Variants in TNRC6C observed in about 807,000 individuals in gnomAD.
TNRC6C encodes trinucleotide repeat containing adaptor 6C, also known as trinucleotide repeat-containing gene 6C protein.
In TNRC6C, 20 loss-of-function variants were observed where a neutral mutation model predicts 153.7. The ratio of observed to expected loss-of-function variants is 0.13; its 90% CI spans 0.09 to 0.19. TNRC6C has a LOEUF of 0.19. TNRC6C is among the 10% of genes least tolerant of loss of function. TNRC6C has a pLI of 1.00. For missense variants in TNRC6C, 1,987 were observed against 2,172.0 expected, an observed-to-expected ratio of 0.91 and a Z score of 1.69; for synonymous variants, 811 against 841.4, an observed-to-expected ratio of 0.96 and a Z score of 0.63.
At chr17:78,048,365 A>G (rs996131201) in intron 2 of TNRC6C, among the ~76,000 whole-genome samples, 25 of 152,108 alleles carry the variant, frequency 1.6e-4, no homozygotes, top group African/African-American at 5.6e-4. Flanking sequence ...CTGCAATGCA[A>G]TTTACAATTT....
At chr17:78,015,145 C>G (rs756216336) in intron 1 of TNRC6C, among the ~76,000 whole-genome samples, 6 of 152,094 alleles carry the variant, frequency 3.9e-5, no homozygotes, top group African/African-American at 4.8e-5. Flanking sequence ...ACTAGAATTA[C>G]TGCTTGATTT....
chr17:77,974,874 A>C (rs2070975118), intron 1 of TNRC6C, among the ~76,000 whole-genome samples: 2 of 152,374 alleles, frequency 1.3e-5, no homozygotes, highest in South Asian at 4.1e-4. Flanking sequence ...AAGATCAGGT[A>C]GTCCTGGGTT....
At chr17:78,028,067 T>G (rs2071979391) in intron 1 of TNRC6C, among the ~76,000 whole-genome samples, 1 of 152,068 alleles carries the variant, frequency 6.6e-6, no homozygotes, top group African/African-American at 2.4e-5. Flanking sequence ...GGCTAATTTT[T>G]TTTTGTATTT....
chr17:78,005,125 A>C (rs1007123128), intron 1 of TNRC6C, 46 bp downstream of exon 3: 133 of 1,206,168 alleles, frequency 1.1e-4, no homozygotes, highest in Non-Finnish European at 1.3e-4. Flanking sequence ...GCGGTACCAA[A>C]ATTTTTATGA....
intron 1 of TNRC6C, among the ~76,000 whole-genome samples, chr17:77,991,402 C>T (rs2071247835): frequency 6.6e-6 from 1 of 152,178 alleles, no homozygotes; most frequent in Non-Finnish European, 1.5e-5. Flanking sequence ...CTCCCCATAT[C>T]TTCATTTTGA....
chr17:77,959,984 T>A (rs893233426), intron 1 of TNRC6C, among the ~76,000 whole-genome samples: 1 of 152,046 alleles, frequency 6.6e-6, no homozygotes, highest in Non-Finnish European at 1.5e-5. Context: ...GGGGAAGAAA[T>A]AACTGGCAAG....
intron 3 of TNRC6C, among the ~76,000 whole-genome samples, chr17:78,061,651 A>G (rs1462586817): frequency 6.6e-6 from 1 of 152,222 alleles, no homozygotes; most frequent in Non-Finnish European, 1.5e-5. Context: ...CAGCCACTGC[A>G]CTTCAGCCCA....
At chr17:78,039,716 C>A (rs144331944) in intron 2 of TNRC6C, among the ~76,000 whole-genome samples, 61 of 152,302 alleles carry the variant, frequency 4.0e-4, no homozygotes, top group African/African-American at 1.3e-3. Context: ...GCATCCAGAG[C>A]AGACAGGGCA....
rs2073074784 is a variant in TNRC6C at position 78,075,865 on chromosome 17, TGTC to T, written c.3060+589_3060+591del. ...AGCATTGCACTAAATTCAATGCAAA[TGTC>T]GAGCCTTGAAAATAAAATTGAAGTA... On this transcript the variant is annotated intron_variant, in intron 8 of 19. Transcript: ENST00000301624. The surrounding 1 kb of genome is among the most constrained non-coding windows in gnomAD (Gnocchi z 4.2). 6.6e-6 allele frequency among the ~76,000 whole-genome samples: 1 copy of T among 151,690 alleles called. No homozygotes were observed. The highest frequency in any genetic ancestry group is 2.4e-5 in the African/African-American group (1 of 41,228).
chr17:78,073,424 G>A (rs550406500), intron 7 of TNRC6C, among the ~76,000 whole-genome samples: 15 of 152,318 alleles, frequency 9.8e-5, no homozygotes, highest in African/African-American at 3.1e-4. Context: ...TGCGTTCCTC[G>A]TGCCTTGCCC....
chr17:78,105,003 C>T (rs764633316), exon 20 of TNRC6C: 16 of 964,882 alleles, frequency 1.7e-5, no homozygotes, highest in Non-Finnish European at 1.9e-5. Context: ...GCGAACTGTT[C>T]GCAAAACAGT....
chr17:77,993,190 G>T (rs557724482), intron 1 of TNRC6C, among the ~76,000 whole-genome samples: 81 of 152,266 alleles, frequency 5.3e-4, no homozygotes, highest in Non-Finnish European at 8.4e-4. Context: ...TCGAATTCCT[G>T]ACCTCAGGTA....
intron 7 of TNRC6C, 117 bp downstream of exon 9, chr17:78,073,211 G>A (rs2144315537): frequency 1.2e-6 from 1 of 807,328 alleles, no homozygotes; most frequent in Admixed American, 3.1e-5. Flanking sequence ...ACAGGACCAG[G>A]CCACAGTGAA....
intron 1 of TNRC6C, among the ~76,000 whole-genome samples, chr17:78,029,808 G>GACAC (rs57924935): frequency 0.017 from 2,475 of 146,358 alleles, 73 homozygotes; most frequent in African/African-American, 0.057. Flanking sequence ...TAAAAACCTA[G>GACAC]ACACACACAC....
chr17:78,018,219 C>T (rs1333622584), intron 1 of TNRC6C, among the ~76,000 whole-genome samples: 1 of 152,140 alleles, frequency 6.6e-6, no homozygotes, highest in Non-Finnish European at 1.5e-5. Flanking sequence ...CTCCACCTCC[C>T]GGGCTCAAGT....
At chr17:78,051,070 A>G in exon 3 of TNRC6C, 1 of 1,607,284 alleles carries the variant, frequency 6.2e-7, no homozygotes, top group Non-Finnish European at 8.5e-7. Context: ...CTGGGCTAGC[A>G]AACCCCAAGA....
At chr17:78,050,866 T>G in exon 3 of TNRC6C, 1 of 1,613,844 alleles carries the variant, frequency 6.2e-7, no homozygotes. Flanking sequence ...TTGGGCAGAT[T>G]CATCGTCTGT....
At chr17:77,961,016 A>T (rs1339843030) in intron 1 of TNRC6C, among the ~76,000 whole-genome samples, 1 of 152,160 alleles carries the variant, frequency 6.6e-6, no homozygotes, top group African/African-American at 2.4e-5. Flanking sequence ...GCCGTGAGAA[A>T]TTGATAGCTC....
chr17:78,054,693 T>C (rs1051977478), intron 3 of TNRC6C, among the ~76,000 whole-genome samples: 18 of 152,038 alleles, frequency 1.2e-4, no homozygotes, highest in African/African-American at 4.4e-4. Context: ...TGCAGACTAC[T>C]GTAGACTACT....
Sources: allele counts gnomAD v4.1 joint callset (sites outside exome capture counted in the v4.1 genomes callset), GRCh38; gene constraint gnomAD v4.1.1; non-coding constraint Gnocchi (gnomAD v3.1); transcripts MANE v1.5; gene names NCBI Gene and HGNC (gene_info 2026-07-23, HGNC 2026-07-21).